ATP2B2: variants seen among roughly 807,000 people sequenced by gnomAD.
ATP2B2 encodes the protein ATPase plasma membrane Ca2+ transporting 2.
ATP2B2 carries 15 observed loss-of-function variants against 120.0 expected under a neutral mutation model. The observed-to-expected ratio is 0.12, with a 90% CI of 0.08 to 0.19. The LOEUF (loss-of-function observed/expected upper bound fraction) is 0.19. Ranked by LOEUF, ATP2B2 falls within the 10% of genes least tolerant of loss-of-function variation. The pLI is 1.00. For missense variants in ATP2B2, 1,045 were observed against 1,719.8 expected, an observed-to-expected ratio of 0.61 and a Z score of 6.94; for synonymous variants, 694 against 700.3, an observed-to-expected ratio of 0.99 and a Z score of 0.14.
chr3:10,489,944 C>T (rs1672184503), intron 1 of ATP2B2, among the ~76,000 whole-genome samples: 1 of 152,246 alleles, frequency 6.6e-6, no homozygotes, highest in Non-Finnish European at 1.5e-5. Flanking sequence ...CGGCCTGGTG[C>T]CTTCTGCCCT....
Position 10,355,499 on chromosome 3 carries a change from G to A in ATP2B2, c.2136+3192C>T, listed in dbSNP as rs990999139. On this transcript the variant is annotated intron_variant, in intron 14 of 22. Transcript: ENST00000360273. ...GTCAACTATCGCTCTCTCTGGGGAC[G>A]TCAGAGCTTGGGAGGGACCCAAGGG... Among the ~76,000 whole-genome samples, 5 of 152,318 alleles carry A rather than the reference G, an allele frequency of 3.3e-5. No homozygotes were observed. In the South Asian group the frequency reaches 6.2e-4, roughly 19 times the overall value.
rs1228816232 is a variant in ATP2B2, at chr3:10,356,860, G to C, written c.2136+1831C>G. ...AGAGGTTTGCAGGAAAGCACGTGTG[G>C]GCTCCACTGCCAAGCTCCAGGGGCA... is the stretch of plus-strand genomic sequence containing the variant. On this transcript the variant is annotated intron_variant, in intron 14 of 22. Transcript: ENST00000360273. 3.3e-5 allele frequency among the ~76,000 whole-genome samples: 5 copies of C among 152,258 alleles called. No homozygotes were observed. The South Asian group carries it at 1.0e-3, about 32-fold the overall frequency.
At chr3:10,396,785 C>A (rs530496420) in intron 5 of ATP2B2, among the ~76,000 whole-genome samples, 1 of 151,438 alleles carries the variant, frequency 6.6e-6, no homozygotes, top group Non-Finnish European at 1.5e-5. Flanking sequence ...GATGAGAGGG[C>A]GAAATGGACA....
intron 1 of ATP2B2, among the ~76,000 whole-genome samples, chr3:10,699,146 T>C (rs2071782061): frequency 1.3e-5 from 2 of 152,228 alleles, no homozygotes; most frequent in Admixed American, 1.3e-4. Flanking sequence ...CTTTACCTGA[T>C]CATATCATAG....
intron 1 of ATP2B2, among the ~76,000 whole-genome samples, chr3:10,684,357 C>G (rs908260731): frequency 6.6e-6 from 1 of 152,210 alleles, no homozygotes; most frequent in Non-Finnish European, 1.5e-5. Flanking sequence ...GAGAGGAAAA[C>G]TGAGCCCTAG....
intron 3 of ATP2B2, among the ~76,000 whole-genome samples, chr3:10,517,830 C>T (rs895713053): frequency 1.2e-4 from 18 of 152,308 alleles, no homozygotes; most frequent in African/African-American, 3.1e-4. Flanking sequence ...GGCACTGTGC[C>T]GGGCACAGCA....
intron 1 of ATP2B2, among the ~76,000 whole-genome samples, chr3:10,501,952 AG>A (rs1350697250): frequency 6.6e-6 from 1 of 152,172 alleles, no homozygotes; most frequent in African/African-American, 2.4e-5. Flanking sequence ...TGATTCATCA[AG>A]GTAGGGCCCA....
chr3:10,403,492 G>A (rs2062300495), intron 3 of ATP2B2, among the ~76,000 whole-genome samples: 1 of 152,240 alleles, frequency 6.6e-6, no homozygotes, highest in South Asian at 2.1e-4. Context: ...TGGGCCTAAG[G>A]CCCTTCCACG....
At chr3:10,358,455 A>T (rs1434665017) in intron 14 of ATP2B2, among the ~76,000 whole-genome samples, 1 of 152,230 alleles carries the variant, frequency 6.6e-6, no homozygotes, top group Non-Finnish European at 1.5e-5. Context: ...CCCATGGCAG[A>T]GCAATACCTG....
chr3:10,550,319 G>A (rs140312087), intron 2 of ATP2B2, among the ~76,000 whole-genome samples: 76 of 152,352 alleles, frequency 5.0e-4, no homozygotes, highest in African/African-American at 1.8e-3. Flanking sequence ...GACCATATTG[G>A]AATGTAGACA....
intron 2 of ATP2B2, among the ~76,000 whole-genome samples, chr3:10,432,409 T>TG (rs2063345047): frequency 6.6e-6 from 1 of 152,172 alleles, no homozygotes; most frequent in Non-Finnish European, 1.5e-5. Flanking sequence ...AGGAAAGCCC[T>TG]GGGGCAGGTA....
At chr3:10,496,227 C>A (rs1271327789) in intron 1 of ATP2B2, among the ~76,000 whole-genome samples, 1 of 152,210 alleles carries the variant, frequency 6.6e-6, no homozygotes, top group African/African-American at 2.4e-5. Flanking sequence ...GCAACCTTTG[C>A]ATCCCAAATC....
At chr3:10,630,902 A>G (rs1034055332) in intron 1 of ATP2B2, among the ~76,000 whole-genome samples, 2 of 151,926 alleles carry the variant, frequency 1.3e-5, no homozygotes, top group Non-Finnish European at 2.9e-5. Flanking sequence ...ATTTGAACCC[A>G]TGTCTTTGGT....
chr3:10,565,551 A>C (rs984812342), intron 2 of ATP2B2, among the ~76,000 whole-genome samples: 4 of 152,164 alleles, frequency 2.6e-5, no homozygotes, highest in Non-Finnish European at 5.9e-5. Flanking sequence ...TCCAGCCCAG[A>C]CATTACATTG....
chr3:10,629,146 C>G (rs553668500), intron 1 of ATP2B2, among the ~76,000 whole-genome samples: 22 of 152,234 alleles, frequency 1.4e-4, no homozygotes, highest in African/African-American at 5.1e-4. Flanking sequence ...AAACCACCAA[C>G]AGAAAGCACA....
chr3:10,342,643 T>A lies in ATP2B2; in HGVS notation c.2917+109A>T, dbSNP rs563940391. Reference sequence around the variant, plus strand: ...ACCTCCCTGGGCCTCAATTTCCCCATTAGCAAAACAGGAGGGGGTTGTGAC... The same window carrying A: ...ACCTCCCTGGGCCTCAATTTCCCCAATAGCAAAACAGGAGGGGGTTGTGAC... On this transcript the variant is annotated intron_variant, in intron 19 of 22. Coordinates refer to ENST00000360273, the MANE Select transcript of ATP2B2 (RefSeq NM_001001331.4). This position sits in a 1 kb window ranked among gnomAD's most constrained non-coding sequence, Gnocchi z 4.4. 1.3e-4 allele frequency: 181 copies of A among 1,351,892 alleles called. No homozygotes were observed. Among genetic ancestry groups the A allele is most frequent in the Non-Finnish European group, 1.8e-4 (177 of 964,284 alleles). The allele number at this position is 1,351,892 out of a possible 1,614,324, so 83.7% of individuals were successfully genotyped here. A position where few individuals can be genotyped will look rare whatever the true frequency, so the allele number is the denominator to read the frequency against.
At chr3:10,370,983 T>C (rs905913530) in intron 12 of ATP2B2, among the ~76,000 whole-genome samples, 7 of 152,180 alleles carry the variant, frequency 4.6e-5, no homozygotes, top group African/African-American at 1.2e-4. Flanking sequence ...GTTTTTCTTA[T>C]CAAAATGAAT....
At position 10,375,416 on chromosome 3, in the gene ATP2B2, T is replaced by C. The variant is rs1397243022; in HGVS notation, c.1416+14A>G. ...CTGCATCAGCCGGCTGGTCCTGCTC[T>C]CCTCCCCTCTCACCTTCACCGAATA... On this transcript the variant is annotated intron_variant, in intron 11 of 22. Transcript: ENST00000360273. The surrounding 1 kb of genome is among the most constrained non-coding windows in gnomAD (Gnocchi z 4.2). The C allele has an allele frequency of 6.2e-7, 1 of 1,605,874 alleles. No individual in the cohort carries two copies. Among genetic ancestry groups the C allele is most frequent in the South Asian group, 1.1e-5 (1 of 90,862 alleles).
At chr3:10,445,970 C>T (rs1000484656) in intron 2 of ATP2B2, among the ~76,000 whole-genome samples, 3 of 152,156 alleles carry the variant, frequency 2.0e-5, no homozygotes, top group Non-Finnish European at 4.4e-5. Context: ...GTCCCTTGGC[C>T]CCACCCTATT....
Sources: gnomAD v4.1 joint callset for allele counts (sites outside exome capture counted in the v4.1 genomes callset) on GRCh38, gnomAD v4.1.1 for gene constraint, Gnocchi (gnomAD v3.1) non-coding constraint, MANE v1.5 for transcripts, NCBI Gene and HGNC (gene_info 2026-07-23, HGNC 2026-07-21) for gene names.